NMI: variants seen among roughly 807,000 people sequenced by gnomAD.
NMI encodes N-myc-interactor.
In NMI, 39 loss-of-function variants were observed where a neutral mutation model predicts 34.3. The ratio of observed to expected loss-of-function variants is 1.14; its 90% CI spans 0.88 to 1.49. The LOEUF is 1.49. Ranked by LOEUF, NMI falls within the 40% of genes most tolerant of loss-of-function variation. NMI has a pLI of 0.00. For missense variants in NMI, 339 were observed against 358.1 expected (o/e 0.95, Z 0.43); for synonymous variants, 113 against 120.3 (o/e 0.94, Z 0.40).
At chr2:151,274,670 G>T (rs1359953110) in intron 6 of NMI, among the ~76,000 whole-genome samples, 1 of 151,452 alleles carries the variant, frequency 6.6e-6, no homozygotes, top group Non-Finnish European at 1.5e-5. Context: ...TAGAGACGGG[G>T]TTTCACCATG....
intron 1 of NMI, among the ~76,000 whole-genome samples, chr2:151,283,206 TCTTG>T (rs1683439290): frequency 6.6e-6 from 1 of 152,068 alleles, no homozygotes; most frequent in Non-Finnish European, 1.5e-5. Flanking sequence ...AATGGTGCGA[TCTTG>T]GCTCACTGCA....
At chr2:151,277,604 CT>C (rs1683312491) in intron 4 of NMI, 1 of 152,190 alleles carries the variant, frequency 6.6e-6, no homozygotes, top group African/African-American at 2.4e-5. Context: ...TTATATCTAT[CT>C]TTTAGTTATA....
At chr2:151,274,253 G>A (rs146012704) in intron 6 of NMI, among the ~76,000 whole-genome samples, 2,317 of 140,724 alleles carry the variant, frequency 0.016, 74 homozygotes, top group African/African-American at 0.056. Context: ...TGAGGTGGGA[G>A]AATTGCTTGA....
intron 6 of NMI, 67 bp downstream of exon 6, chr2:151,275,417 C>A (rs1285380889): frequency 6.5e-6 from 9 of 1,392,684 alleles, no homozygotes; most frequent in Non-Finnish European, 8.0e-6. Context: ...AATAGGAATA[C>A]TTTCAGAAAC....
chr2:151,273,402 C>T (rs1443894458), intron 6 of NMI, among the ~76,000 whole-genome samples: 1 of 152,230 alleles, frequency 6.6e-6, no homozygotes, highest in Non-Finnish European at 1.5e-5. Context: ...TTTTTCCCAT[C>T]TGGCTAGATG....
At chr2:151,285,589 GA>G (rs199606248) in intron 1 of NMI, among the ~76,000 whole-genome samples, 3,147 of 101,974 alleles carry the variant, frequency 0.031, 107 homozygotes, top group African/African-American at 0.092. Flanking sequence ...CTCCATCTCA[GA>G]AAAAAAAAAA....
chr2:151,278,912 T>C lies in NMI; in HGVS notation c.256A>G (p.Ile86Val), dbSNP rs372254839. ...TPENDSQLSN[I>V]SCSFQVSSKV... ...GAGCTCACTTGAAACGAACAGGAGA[T>C]ATTTGACAACTGGCTGTCATTCTCA... Residue 86 changes from isoleucine to valine, a missense_variant, in exon 4 of 8, where the codon ATC becomes GTC. Ile to Val is a conservative substitution (Grantham distance 29). Coordinates refer to ENST00000243346, the MANE Select transcript of NMI (RefSeq NM_004688.3). 2 of 1,612,570 alleles carry C rather than the reference T, an allele frequency of 1.2e-6. No homozygotes were observed. The highest frequency in any genetic ancestry group is 2.7e-5 in the African/African-American group (2 of 74,922).
chr2:151,286,765 T>C (rs751702606), intron 1 of NMI, among the ~76,000 whole-genome samples: 3 of 152,110 alleles, frequency 2.0e-5, no homozygotes, highest in Non-Finnish European at 4.4e-5. Flanking sequence ...GTTCTTCGAG[T>C]CCCTTGAATT....
intron 6 of NMI, 47 bp downstream of exon 6, chr2:151,275,437 T>A (rs1292714602): frequency 1.3e-6 from 2 of 1,506,124 alleles, no homozygotes; most frequent in African/African-American, 2.8e-5. Context: ...CAACAGAACA[T>A]GACTGAAATG....
intron 4 of NMI, chr2:151,277,193 GA>G (rs1683307043): frequency 6.6e-6 from 1 of 152,240 alleles, no homozygotes; most frequent in African/African-American, 2.4e-5. Flanking sequence ...GGCCATGTGG[GA>G]ATTCAACTCA....
intron 1 of NMI, among the ~76,000 whole-genome samples, chr2:151,285,123 T>A (rs1414302802): frequency 6.6e-6 from 1 of 152,022 alleles, no homozygotes; most frequent in East Asian, 1.9e-4. Flanking sequence ...ACATACAATA[T>A]GATGGGAGTA....
intron 3 of NMI, among the ~76,000 whole-genome samples, chr2:151,281,416 T>G (rs1220822557): frequency 1.3e-5 from 2 of 152,204 alleles, no homozygotes; most frequent in Non-Finnish European, 2.9e-5. Context: ...TTTTTGTAAA[T>G]TTATTAAAGT....
chr2:151,276,426 A>G (rs1683294300), intron 4 of NMI, among the ~76,000 whole-genome samples: 4 of 152,210 alleles, frequency 2.6e-5, no homozygotes, highest in Admixed American at 2.6e-4. Context: ...CAAGTTCTAG[A>G]TTCTTCTCAT....
rs765227209 is a variant in NMI, at chr2:151,271,733, C to G, written c.635-1G>C. 1 of 1,457,522 alleles carries G rather than the reference C, an allele frequency of 6.9e-7. No individual in the cohort carries two copies. Among genetic ancestry groups the G allele is most frequent in the Non-Finnish European group, 9.5e-7 (1 of 1,047,966 alleles). The allele number at this position is 1,457,522 out of a possible 1,614,324, so 90.3% of individuals were successfully genotyped here. A position where few individuals can be genotyped will look rare whatever the true frequency, so the allele number is the denominator to read the frequency against. On this transcript the variant is annotated splice_acceptor_variant, in intron 6 of 7. Coordinates refer to ENST00000243346, the MANE Select transcript of NMI (RefSeq NM_004688.3). LOFTEE classifies it high-confidence loss of function. ...TTCTTTTTCAAAATCTTGTCAGCCA[C>G]TAAAAGCAAAACAAAAACAATACTT...
intron 2 of NMI, among the ~76,000 whole-genome samples, chr2:151,282,530 T>C (rs1016027896): frequency 3.3e-4 from 50 of 152,328 alleles, no homozygotes; most frequent in African/African-American, 8.7e-4. Context: ...GCCAGACATA[T>C]GACCTTGGGG....
At chr2:151,272,196 T>C (rs1407490338) in intron 6 of NMI, among the ~76,000 whole-genome samples, 3 of 152,236 alleles carry the variant, frequency 2.0e-5, no homozygotes, top group African/African-American at 4.8e-5. Context: ...GGGGATTGAA[T>C]GTCATCTAGA....
At chr2:151,276,317 C>A in intron 4 of NMI, among the ~76,000 whole-genome samples, 1 of 152,130 alleles carries the variant, frequency 6.6e-6, no homozygotes, top group East Asian at 1.9e-4. Context: ...GACTCCCAGA[C>A]AAAGTTCTGG....
intron 1 of NMI, among the ~76,000 whole-genome samples, chr2:151,288,398 G>A (rs1683547230): frequency 6.6e-6 from 1 of 152,182 alleles, no homozygotes; most frequent in East Asian, 1.9e-4. Flanking sequence ...GAAGATGGAG[G>A]AAGGGCTGCT....
chr2:151,275,797 C>T lies in NMI; in HGVS notation c.408G>A (p.Thr136=), dbSNP rs374231367. 1.0e-4 allele frequency: 168 copies of T among 1,613,628 alleles called. 2 individuals are homozygous for T. The South Asian group carries it at 1.6e-3, about 15-fold the overall frequency. The stretch of plus-strand genomic sequence containing the variant: ...CTGAATTTAATGGAACTGGCTTGGC[C>T]GTAACCTCCAGATTTACATCTTTTA... ...VQIKDVNLEV[T]AKPVPLNSGV... is the part of the protein sequence containing the mutation. The change falls in exon 5 of 8, where the codon ACG becomes ACA. Residue 136 remains threonine, a synonymous_variant. Coordinates refer to ENST00000243346, the MANE Select transcript of NMI (RefSeq NM_004688.3).
Sources: allele counts gnomAD v4.1 joint callset (sites outside exome capture counted in the v4.1 genomes callset), GRCh38; gene constraint gnomAD v4.1.1; transcripts MANE v1.5; gene names NCBI Gene and HGNC (gene_info 2026-07-23, HGNC 2026-07-21).